Variants in DCC observed in about 807,000 individuals in gnomAD.
The protein encoded by DCC is netrin receptor DCC.
DCC carries 58 observed loss-of-function variants against 172.5 expected under a neutral mutation model. The ratio of observed to expected loss-of-function variants is 0.34; its 90% confidence interval spans 0.27 to 0.42. The LOEUF (loss-of-function observed/expected upper bound fraction) is 0.42, where lower values mean the gene tolerates loss of function less well. DCC is among the 10% of genes least tolerant of loss of function. The probability of loss-of-function intolerance (pLI) is 1.00; values close to 1 mark genes in which losing one functional copy is unlikely to be tolerated. For missense variants in DCC, 1,740 were observed against 1,791.0 expected, an observed-to-expected ratio of 0.97 and a Z score of 0.51; for synonymous variants, 709 against 644.5, an observed-to-expected ratio of 1.10 and a Z score of -1.52.
intron 27 of DCC, among the ~76,000 whole-genome samples, chr18:53,515,826 C>T (rs1258690298): frequency 7.9e-5 from 12 of 151,894 alleles, no homozygotes; most frequent in African/African-American, 2.7e-4. Flanking sequence ...AAGAACATTC[C>T]ATGCTCATGG....
intron 2 of DCC, among the ~76,000 whole-genome samples, chr18:52,798,366 T>G (rs1336893036): frequency 6.6e-6 from 1 of 152,176 alleles, no homozygotes; most frequent in East Asian, 1.9e-4. Context: ...AGGAAGTTTC[T>G]TTTCTTTTTA....
At chr18:52,587,328 C>A (rs921722730) in intron 1 of DCC, among the ~76,000 whole-genome samples, 1 of 152,162 alleles carries the variant, frequency 6.6e-6, no homozygotes, top group Non-Finnish European at 1.5e-5. Context: ...TGTTCATAGA[C>A]CCATTGGGCG....
chr18:53,044,749 T>C (rs576546714), intron 5 of DCC, among the ~76,000 whole-genome samples: 2 of 152,008 alleles, frequency 1.3e-5, no homozygotes, highest in East Asian at 1.9e-4. Context: ...AATTAATAAA[T>C]TTATTTTTCT....
chr18:53,487,094 C>A (rs1363818379), intron 26 of DCC, 136 bp downstream of exon 26: 13 of 1,185,416 alleles, frequency 1.1e-5, no homozygotes, highest in Non-Finnish European at 1.5e-5. Context: ...TGTTCCTTTC[C>A]AACACAGTGC....
At chr18:52,728,497 A>G (rs1025315548) in intron 1 of DCC, among the ~76,000 whole-genome samples, 3 of 152,162 alleles carry the variant, frequency 2.0e-5, no homozygotes, top group African/African-American at 7.2e-5. Flanking sequence ...TTGTATTTTG[A>G]TGCATCTTCC....
chr18:53,439,320 C>T (rs565839361), intron 22 of DCC, among the ~76,000 whole-genome samples: 103 of 152,280 alleles, frequency 6.8e-4, no homozygotes, highest in African/African-American at 2.3e-3. Context: ...GCAAGTGAGG[C>T]CCCTGAGTAA....
In DCC at chr18:52,722,068, G is replaced by C. The variant is rs575799245; in HGVS notation, c.92-29986G>C. On this transcript the variant is annotated intron_variant, in intron 1 of 28. Coordinates refer to ENST00000442544, the MANE Select transcript of DCC (RefSeq NM_005215.4). ...ATAAATAAGTAAATAAAATAAAGTA[G>C]GTAAAATGCACATTGCATTCATGTC... Among the ~76,000 whole-genome samples, 7 of 152,172 alleles carry C rather than the reference G, an allele frequency of 4.6e-5. No homozygotes were observed. The South Asian group carries it at 1.4e-3, about 32-fold the overall frequency.
chr18:53,048,517 G>GTATACATATATACACACACATATATA (rs2042289969), intron 5 of DCC, among the ~76,000 whole-genome samples: 1 of 147,228 alleles, frequency 6.8e-6, no homozygotes, highest in East Asian at 2.0e-4. Context: ...GTGTGTGTGT[G>GTATACATATATACACACACATATATA]TGTGTGTGTA....
chr18:53,205,205 T>G lies in DCC; in HGVS notation c.1574-11T>G, dbSNP rs767273379. The G allele has an allele frequency of 2.5e-6, 4 of 1,609,750 alleles. No homozygotes were observed. In the East Asian group the frequency reaches 8.9e-5, roughly 36 times the overall value. On this transcript the variant is annotated splice_polypyrimidine_tract_variant and intron_variant, in intron 9 of 28. Transcript: ENST00000442544. ...CACTTTTCTTTCTTTCTTTATTATT[T>G]TTTTATACAGTGCAAGTTCCAGGGC...
At chr18:53,032,361 T>G (rs2042036680) in intron 5 of DCC, among the ~76,000 whole-genome samples, 1 of 152,182 alleles carries the variant, frequency 6.6e-6, no homozygotes, top group Non-Finnish European at 1.5e-5. Context: ...ATTTCTCATT[T>G]GATTTCTTTG....
intron 7 of DCC, among the ~76,000 whole-genome samples, chr18:53,135,655 A>G (rs1004629804): frequency 6.6e-6 from 1 of 152,134 alleles, no homozygotes; most frequent in Non-Finnish European, 1.5e-5. Flanking sequence ...CAACCCACAA[A>G]TGTTCTCAAA....
intron 1 of DCC, among the ~76,000 whole-genome samples, chr18:52,512,557 A>G (rs1302733739): frequency 6.6e-6 from 1 of 152,160 alleles, no homozygotes. Flanking sequence ...TAATTTTTTC[A>G]TGGTGACATG....
chr18:53,203,283 A>G (rs1965406500), intron 9 of DCC, among the ~76,000 whole-genome samples: 1 of 151,776 alleles, frequency 6.6e-6, no homozygotes, highest in South Asian at 2.1e-4. Context: ...TTTGGTATAT[A>G]TATTTCAAAG....
chr18:52,427,541 C>T (rs897457806), intron 1 of DCC, among the ~76,000 whole-genome samples: 9 of 152,032 alleles, frequency 5.9e-5, no homozygotes, highest in South Asian at 2.1e-4. Flanking sequence ...AGAGGGTGTG[C>T]GACTGCAGAT....
intron 21 of DCC, among the ~76,000 whole-genome samples, chr18:53,420,721 C>T (rs1475593932): frequency 6.6e-6 from 1 of 152,062 alleles, no homozygotes; most frequent in Non-Finnish European, 1.5e-5. Context: ...TAATTACTTC[C>T]ATAAAGGCCC....
intron 19 of DCC, among the ~76,000 whole-genome samples, chr18:53,403,492 A>G (rs1244805383): frequency 6.6e-6 from 1 of 152,254 alleles, no homozygotes; most frequent in East Asian, 1.9e-4. Flanking sequence ...TAATTAAAGC[A>G]TCCATTAGAA....
rs191760569 is a variant in DCC at position 53,473,297 on chromosome 18, T to G, written c.3736+5287T>G. Among the ~76,000 whole-genome samples, 304 of 152,360 alleles carry G rather than the reference T, an allele frequency of 2.0e-3. 1 individual carries two copies. The highest frequency in any genetic ancestry group is 3.6e-3 in the Non-Finnish European group (242 of 68,042). ...AGGATGTAATGTATCTAATTCATCT[T>G]CATATTCACACATTTTATTGTTTAA... On this transcript the variant is annotated intron_variant, in intron 25 of 28. Coordinates refer to ENST00000442544, the MANE Select transcript of DCC (RefSeq NM_005215.4).
chr18:53,056,114 T>A (rs749386378), intron 5 of DCC, among the ~76,000 whole-genome samples: 8 of 152,102 alleles, frequency 5.3e-5, no homozygotes, highest in Non-Finnish European at 1.2e-4. Flanking sequence ...ACTGAGTAAC[T>A]TATAAAGAAA....
intron 27 of DCC, among the ~76,000 whole-genome samples, chr18:53,523,426 A>G (rs1362573922): frequency 6.6e-6 from 1 of 152,204 alleles, no homozygotes; most frequent in Non-Finnish European, 1.5e-5. Flanking sequence ...TCAAAGGATT[A>G]TAAATCATTC....
Sources: allele counts gnomAD v4.1 joint callset (sites outside exome capture counted in the v4.1 genomes callset), GRCh38; gene constraint gnomAD v4.1.1; transcripts MANE v1.5; gene names NCBI Gene and HGNC (gene_info 2026-07-23, HGNC 2026-07-21).